CDC42BPA: variants seen among roughly 807,000 people sequenced by gnomAD.
CDC42BPA encodes the protein serine/threonine-protein kinase MRCK alpha.
A neutral mutation model predicts 223.5 loss-of-function variants in CDC42BPA; 80 were observed. The observed-to-expected ratio is 0.36, with a 90% confidence interval of 0.30 to 0.43. The LOEUF is 0.43. Among genes scored for constraint, CDC42BPA ranks in the 20% least tolerant of loss-of-function variants. CDC42BPA has a pLI of 1.00. For missense variants in CDC42BPA, 1,743 were observed against 2,099.9 expected, an observed-to-expected ratio of 0.83 and a Z score of 3.32; for synonymous variants, 694 against 718.6, an observed-to-expected ratio of 0.97 and a Z score of 0.55.
chr1:227,127,115 T>C (rs2149491286), intron 11 of CDC42BPA, among the ~76,000 whole-genome samples: 1 of 152,340 alleles, frequency 6.6e-6, no homozygotes, highest in South Asian at 2.1e-4. Context: ...ACTATATTTC[T>C]ATATATTACA....
chr1:227,151,958 C>A (rs947444425), intron 6 of CDC42BPA, among the ~76,000 whole-genome samples: 8 of 150,448 alleles, frequency 5.3e-5, no homozygotes, highest in African/African-American at 2.0e-4. Context: ...GTGGCTGAGG[C>A]AGGATAAGTG....
rs61601477 is a variant in CDC42BPA, at chr1:227,065,097, AAAATAAAT to A, written c.2904+4672_2904+4679del. On this transcript the variant is annotated intron_variant, in intron 21 of 36. Transcript: ENST00000366766. ...GTGTGAGAGAGCGAGACTCCATCTC[AAAATAAAT>A]AAATAAATAAATAAATAAATTAACT... 3.8e-3 allele frequency among the ~76,000 whole-genome samples: 565 copies of A among 148,828 alleles called. 3 individuals are homozygous for A. Among genetic ancestry groups the A allele is most frequent in the African/African-American group, 0.014 (542 of 39,850 alleles).
chr1:227,134,618 A>G (rs967297570), intron 10 of CDC42BPA, among the ~76,000 whole-genome samples: 3 of 152,114 alleles, frequency 2.0e-5, no homozygotes, highest in African/African-American at 4.8e-5. Context: ...TTTTTATTAC[A>G]TTCCTGGTCA....
chr1:227,052,207 C>T (rs1311656431), intron 21 of CDC42BPA, among the ~76,000 whole-genome samples: 1 of 152,146 alleles, frequency 6.6e-6, no homozygotes, highest in African/African-American at 2.4e-5. Context: ...ACCAAAGGCT[C>T]CTCCCTGATC....
chr1:227,291,097 G>A (rs914888711), intron 1 of CDC42BPA, among the ~76,000 whole-genome samples: 13 of 152,084 alleles, frequency 8.5e-5, no homozygotes, highest in Admixed American at 6.5e-4. Flanking sequence ...GGAATAGAGA[G>A]GAGACCTAAT....
intron 3 of CDC42BPA, among the ~76,000 whole-genome samples, chr1:227,205,287 T>A (rs763761337): frequency 0.16 from 13,842 of 88,464 alleles, 915 homozygotes; most frequent in Non-Finnish European, 0.19. Flanking sequence ...AAAAAAAATA[T>A]ATATATATAT....
intron 3 of CDC42BPA, among the ~76,000 whole-genome samples, chr1:227,205,582 A>C (rs190863769): frequency 2.0e-5 from 3 of 152,234 alleles, no homozygotes; most frequent in Non-Finnish European, 4.4e-5. Context: ...TACTTTGTGT[A>C]GTACTTTACT....
intron 1 of CDC42BPA, among the ~76,000 whole-genome samples, chr1:227,257,406 T>C (rs905865106): frequency 1.1e-4 from 17 of 151,236 alleles, no homozygotes; most frequent in Admixed American, 3.9e-4. Context: ...AATTGTATAC[T>C]TCAAACAGGT....
At chr1:227,262,119 G>A (rs1459297896) in intron 1 of CDC42BPA, among the ~76,000 whole-genome samples, 21 of 152,036 alleles carry the variant, frequency 1.4e-4, no homozygotes, top group Admixed American at 1.4e-3. Context: ...CAAATGGGAA[G>A]ATTAGTACCC....
Position 227,147,401 on chromosome 1 carries a change from T to G in CDC42BPA, c.852A>C (p.Ala284=), listed in dbSNP as rs771178308. Residue 284 remains alanine (A), a synonymous_variant, in exon 7 of 37, where the codon GCA becomes GCC. Coordinates refer to ENST00000366766, the MANE Select transcript of CDC42BPA (RefSeq NM_001394014.1). ...EMLYGETPFY[A]ESLVETYGKI... ...TTCCGTATGTCTCCACCAGCGATTC[T>G]GCATAAAATGGTGTTTCTCCGTAAA... is the stretch of plus-strand genomic sequence containing the variant. 6.8e-6 allele frequency: 11 copies of G among 1,612,666 alleles called. No homozygotes were observed. Among genetic ancestry groups the G allele is most frequent in the Non-Finnish European group, 9.3e-6 (11 of 1,179,380 alleles).
At chr1:227,208,232 G>GT (rs1673181465) in intron 3 of CDC42BPA, among the ~76,000 whole-genome samples, 1 of 151,188 alleles carries the variant, frequency 6.6e-6, no homozygotes, top group African/African-American at 2.4e-5. Flanking sequence ...TTGTAAATTT[G>GT]TTTGAGTTCA....
intron 1 of CDC42BPA, among the ~76,000 whole-genome samples, chr1:227,258,218 A>G (rs1015105159): frequency 1.5e-4 from 22 of 149,442 alleles, no homozygotes; most frequent in Non-Finnish European, 7.4e-5. Flanking sequence ...GAGCCTGACT[A>G]TCCCCCCAAA....
intron 14 of CDC42BPA, among the ~76,000 whole-genome samples, chr1:227,106,500 C>T (rs1004910277): frequency 2.0e-5 from 3 of 151,980 alleles, no homozygotes; most frequent in South Asian, 2.1e-4. Flanking sequence ...TAATAAGAAA[C>T]GTTGGTCTGT....
intron 5 of CDC42BPA, among the ~76,000 whole-genome samples, chr1:227,191,282 C>T (rs7367212): frequency 0.68 from 101,961 of 149,666 alleles, 34,998 homozygotes; most frequent in South Asian, 0.73. Flanking sequence ...GAGGCGGAGG[C>T]TGCAGTGAGC....
intron 2 of CDC42BPA, among the ~76,000 whole-genome samples, chr1:227,215,096 T>C (rs1396677616): frequency 6.6e-6 from 1 of 152,176 alleles, no homozygotes; most frequent in Non-Finnish European, 1.5e-5. Flanking sequence ...GAAGGGCTGC[T>C]CCAAACCCCA....
chr1:227,288,029 T>C (rs1689077480), intron 1 of CDC42BPA, among the ~76,000 whole-genome samples: 1 of 152,180 alleles, frequency 6.6e-6, no homozygotes, highest in Non-Finnish European at 1.5e-5. Context: ...CTTTTCCCTT[T>C]GTTGATTTTG....
At chr1:227,040,089 T>C (rs368066368) in intron 24 of CDC42BPA, 42 bp downstream of exon 24, 2 of 1,146,714 alleles carry the variant, frequency 1.7e-6, no homozygotes, top group African/African-American at 1.5e-5. Flanking sequence ...TTGATTACAA[T>C]TTAGATAGTG....
intron 11 of CDC42BPA, among the ~76,000 whole-genome samples, chr1:227,126,413 C>T (rs1689602613): frequency 6.7e-6 from 1 of 149,174 alleles, no homozygotes; most frequent in African/African-American, 2.5e-5. Context: ...CTGGTGGCTG[C>T]TGGTGACAGG....
chr1:227,128,778 CCAGA>C (rs1332845681), intron 11 of CDC42BPA, among the ~76,000 whole-genome samples: 3 of 152,146 alleles, frequency 2.0e-5, no homozygotes, highest in Non-Finnish European at 4.4e-5. Flanking sequence ...ATATGCTTTG[CCAGA>C]CAAATTCCAA....
Sources: gnomAD v4.1 joint callset for allele counts (sites outside exome capture counted in the v4.1 genomes callset) on GRCh38, gnomAD v4.1.1 for gene constraint, MANE v1.5 for transcripts, NCBI Gene and HGNC (gene_info 2026-07-23, HGNC 2026-07-21) for gene names.